Variants in SERPINE2 observed in about 807,000 individuals in gnomAD.
SERPINE2 encodes the protein serpin family E member 2.
SERPINE2 carries 14 observed loss-of-function variants against 36.3 expected under a neutral mutation model. The ratio of observed to expected loss-of-function variants is 0.39; its 90% CI spans 0.25 to 0.60. The LOEUF (loss-of-function observed/expected upper bound fraction) is 0.60. Ranked by LOEUF, SERPINE2 falls within the 20% of genes least tolerant of loss-of-function variation. SERPINE2 has a pLI of 0.57. For missense variants in SERPINE2, 418 were observed against 499.6 expected (o/e 0.84, Z 1.56); for synonymous variants, 192 against 191.8 (o/e 1.00, Z -0.01).
intron 1 of SERPINE2, among the ~76,000 whole-genome samples, chr2:224,026,862 T>C (rs1449426365): frequency 1.3e-5 from 2 of 152,206 alleles, no homozygotes; most frequent in Non-Finnish European, 2.9e-5. Flanking sequence ...TCTTCCTTTC[T>C]AGGGAATTAA....
intron 2 of SERPINE2, 149 bp downstream of exon 2, chr2:224,001,493 G>A: frequency 1.3e-6 from 1 of 788,266 alleles, no homozygotes; most frequent in Non-Finnish European, 1.9e-6. Flanking sequence ...TTCTTTAGAA[G>A]AGACTGACCC....
intron 1 of SERPINE2, among the ~76,000 whole-genome samples, chr2:224,035,685 G>C (rs2106207255): frequency 6.6e-6 from 1 of 152,192 alleles, no homozygotes; most frequent in East Asian, 1.9e-4. Flanking sequence ...AGGTCTTCTG[G>C]CTTTTAGGAG....
chr2:224,034,407 G>A (rs1231425713), intron 1 of SERPINE2, among the ~76,000 whole-genome samples: 2 of 152,106 alleles, frequency 1.3e-5, no homozygotes, highest in Non-Finnish European at 2.9e-5. Flanking sequence ...AGCACTGGGC[G>A]GTACCAGTGC....
intron 1 of SERPINE2, among the ~76,000 whole-genome samples, chr2:224,013,403 G>A (rs1691695092): frequency 6.6e-6 from 1 of 152,176 alleles, no homozygotes; most frequent in African/African-American, 2.4e-5. Flanking sequence ...ACTTGCACAG[G>A]GCGGTTTGGA....
At chr2:223,989,302 C>G (rs1690558385) in intron 4 of SERPINE2, among the ~76,000 whole-genome samples, 1 of 152,176 alleles carries the variant, frequency 6.6e-6, no homozygotes, top group African/African-American at 2.4e-5. Context: ...TTGGGGAAAA[C>G]AGTCAAGAAG....
chr2:224,001,973 A>G lies in SERPINE2; in HGVS notation c.-22-51T>C, dbSNP rs11902594. On this transcript the variant is annotated intron_variant, in intron 1 of 8. Transcript: ENST00000409304. ...TAAATTATACTTAAATGGGTACTTT[A>G]CTACTTTTTTTTTTTTTCCCCCAGA... 7.2e-3 allele frequency: 10,382 copies of G among 1,451,118 alleles called. 642 individuals are homozygous for G. In the African/African-American group the frequency reaches 0.14, roughly 19 times the overall value. 89.9% of individuals were successfully genotyped at this position (1,451,118 alleles called of 1,614,324 possible). A position where few individuals can be genotyped will look rare whatever the true frequency, so the allele number is the denominator to read the frequency against.
At chr2:224,032,744 T>C (rs902443249) in intron 1 of SERPINE2, among the ~76,000 whole-genome samples, 4 of 152,234 alleles carry the variant, frequency 2.6e-5, no homozygotes, top group African/African-American at 9.6e-5. Context: ...GTTCCTGATC[T>C]AATCTTGAAC....
At chr2:224,037,649 G>A (rs1293856249) in intron 1 of SERPINE2, among the ~76,000 whole-genome samples, 2 of 152,112 alleles carry the variant, frequency 1.3e-5, no homozygotes. Context: ...GACGTGGCCA[G>A]GTCACCACCT....
chr2:224,033,219 C>T (rs1294540235), intron 1 of SERPINE2, among the ~76,000 whole-genome samples: 1 of 152,110 alleles, frequency 6.6e-6, no homozygotes, highest in African/African-American at 2.4e-5. Flanking sequence ...GTGTGGAGAA[C>T]AGGTTGACAA....
chr2:223,981,178 GC>G (rs901857366), intron 6 of SERPINE2: 15 of 152,268 alleles, frequency 9.9e-5, no homozygotes, highest in African/African-American at 3.6e-4. Flanking sequence ...CTGCACCAAT[GC>G]CCAGCTCTAA....
At position 223,977,608 on chromosome 2, in the gene SERPINE2, T is replaced by C. The variant is rs567075314; in HGVS notation, c.1092A>G (p.Arg364=). The C allele has an allele frequency of 4.9e-5, 79 of 1,612,964 alleles. No individual in the cohort carries two copies. Among genetic ancestry groups the C allele is most frequent in the Non-Finnish European group, 6.4e-5 (76 of 1,179,094 alleles). ...CTACTATAAACCAGGGAGGCGATGA[T>C]CTTGCAATGAGAATTGCAGCTACGG... ...SAATTAILIA[R]SSPPWFIVDR... The change falls in exon 8 of 9, where the codon AGA becomes AGG. Residue 364 remains arginine, a synonymous_variant. Coordinates refer to ENST00000409304, the MANE Select transcript of SERPINE2 (RefSeq NM_001136528.2).
At chr2:224,010,222 G>A (rs1691576166) in intron 1 of SERPINE2, 1 of 302,896 alleles carries the variant, frequency 3.3e-6, no homozygotes, top group African/African-American at 2.3e-5. Flanking sequence ...CAGGTTAGTG[G>A]AGAAAGACTT....
At chr2:224,028,614 T>C (rs894141129) in intron 1 of SERPINE2, among the ~76,000 whole-genome samples, 1 of 152,180 alleles carries the variant, frequency 6.6e-6, no homozygotes, top group Non-Finnish European at 1.5e-5. Context: ...AGCCGGGTGT[T>C]CTACACACCT....
rs115046351 is a variant in SERPINE2 at position 224,019,471 on chromosome 2, C to T, written c.-22-17549G>A. Among the ~76,000 whole-genome samples, 848 of 152,206 alleles carry T rather than the reference C, an allele frequency of 5.6e-3. 8 individuals are homozygous for T. Among genetic ancestry groups the T allele is most frequent in the African/African-American group, 0.019 (795 of 41,502 alleles). On this transcript the variant is annotated intron_variant, in intron 1 of 8. Coordinates refer to ENST00000409304, the MANE Select transcript of SERPINE2 (RefSeq NM_001136528.2). ...TCTTCCTAGCCTCAGGCCTTCATGC[C>T]TATGTTCCCTCTAACTGGATCACTG...
chr2:223,977,738 C>T (rs549956960), intron 7 of SERPINE2, 111 bp from the exon 8 acceptor site: 41 of 734,444 alleles, frequency 5.6e-5, no homozygotes, highest in Non-Finnish European at 6.9e-5. Context: ...TCTGAAGACA[C>T]ACTTCATGCT....
intron 4 of SERPINE2, among the ~76,000 whole-genome samples, chr2:223,990,636 G>T (rs1293369774): frequency 6.6e-6 from 1 of 151,680 alleles, no homozygotes; most frequent in African/African-American, 2.4e-5. Context: ...TCACTTCATT[G>T]AAACACTAAC....
intron 6 of SERPINE2, chr2:223,981,878 A>G (rs1249025508): frequency 6.6e-6 from 1 of 151,834 alleles, no homozygotes; most frequent in Non-Finnish European, 1.5e-5. Context: ...GCCAAAATAC[A>G]TATCTGGGTA....
intron 4 of SERPINE2, among the ~76,000 whole-genome samples, chr2:223,987,223 G>C (rs1690472155): frequency 6.6e-6 from 1 of 152,192 alleles, no homozygotes; most frequent in Non-Finnish European, 1.5e-5. Flanking sequence ...CTCAGCATAA[G>C]CTGGCCCATA....
At chr2:224,002,517 C>G (rs1691220977) in intron 1 of SERPINE2, among the ~76,000 whole-genome samples, 1 of 151,276 alleles carries the variant, frequency 6.6e-6, no homozygotes, top group African/African-American at 2.4e-5. Flanking sequence ...TATTTTGAAA[C>G]AGTCTCACTC....
Sources: gnomAD v4.1 joint callset for allele counts (sites outside exome capture counted in the v4.1 genomes callset) on GRCh38, gnomAD v4.1.1 for gene constraint, MANE v1.5 for transcripts, NCBI Gene and HGNC (gene_info 2026-07-23, HGNC 2026-07-21) for gene names.